RASEF: variants seen among roughly 807,000 people sequenced by gnomAD.
RASEF encodes ras and EF-hand domain-containing protein.
In RASEF, 68 loss-of-function variants were observed where a neutral mutation model predicts 90.1. The observed-to-expected ratio is 0.75, with a 90% CI of 0.62 to 0.92. The LOEUF (loss-of-function observed/expected upper bound fraction) is 0.92. RASEF is among the 40% of genes least tolerant of loss of function. The probability of loss-of-function intolerance (pLI) is 0.00; values close to 1 mark genes in which losing one functional copy is unlikely to be tolerated. For synonymous variants in RASEF, 331 were observed against 345.2 expected (o/e 0.96, Z 0.46); for missense variants, 949 against 937.2 (o/e 1.01, Z -0.16).
chr9:83,219,076 A>G, the RASEF span, among the ~76,000 whole-genome samples: 1 of 152,248 alleles, frequency 6.6e-6, no homozygotes, highest in Non-Finnish European at 1.5e-5. Context: ...AAAACAAAAA[A>G]GAAACACTTA....
At chr9:83,020,674 AAAG>A (rs1331038223) in intron 3 of RASEF, among the ~76,000 whole-genome samples, 2 of 152,234 alleles carry the variant, frequency 1.3e-5, no homozygotes, top group African/African-American at 4.8e-5. Context: ...CAAGGAAACT[AAAG>A]AAGATCCTGT....
chr9:83,177,272 T>C, the RASEF span, among the ~76,000 whole-genome samples: 1 of 152,304 alleles, frequency 6.6e-6, no homozygotes, highest in Admixed American at 6.5e-5. Flanking sequence ...CTGTGGTTTT[T>C]CGCAATTAAA....
chr9:83,031,961 G>A (rs1829655412), intron 1 of RASEF, among the ~76,000 whole-genome samples: 1 of 151,992 alleles, frequency 6.6e-6, no homozygotes, highest in South Asian at 2.1e-4. Flanking sequence ...AACACTCTTG[G>A]CAATTCTCAC....
chr9:83,076,540 AG>A, the RASEF span, among the ~76,000 whole-genome samples: 5 of 150,756 alleles, frequency 3.3e-5, no homozygotes, highest in African/African-American at 7.4e-5. Flanking sequence ...TTTAAAGATA[AG>A]GTAGATTTTA....
chr9:83,041,754 T>A (rs982963931), intron 1 of RASEF, among the ~76,000 whole-genome samples: 2 of 152,208 alleles, frequency 1.3e-5, no homozygotes, highest in Non-Finnish European at 2.9e-5. Context: ...GAAGGGTGAT[T>A]TTCTGAAGTG....
the RASEF span, among the ~76,000 whole-genome samples, chr9:83,097,486 A>G: frequency 1.3e-5 from 2 of 152,172 alleles, no homozygotes; most frequent in Non-Finnish European, 1.5e-5. Context: ...ATGGGAGAAA[A>G]TTTTTGCAAT....
At chr9:83,111,680 A>C in the RASEF span, among the ~76,000 whole-genome samples, 13 of 151,148 alleles carry the variant, frequency 8.6e-5, no homozygotes, top group African/African-American at 2.7e-4. Context: ...TACAATTGTC[A>C]TTTTTTTTTG....
rs970540645 is a variant in RASEF, at chr9:83,025,629, G to C, written c.578+146C>G. 3 of 638,612 alleles carry C rather than the reference G, an allele frequency of 4.7e-6. No homozygotes were observed. In the African/African-American group the frequency reaches 5.6e-5, roughly 12 times the overall value. 39.6% of individuals were successfully genotyped at this position (638,612 alleles called of 1,614,324 possible). ...TAGCTGACCTACTTCTCCATTGCTG[G>C]CTTAATTTTGAAAGCTCTAGACTCC... On this transcript the variant is annotated intron_variant, in intron 2 of 16. Transcript: ENST00000376447.
the RASEF span, among the ~76,000 whole-genome samples, chr9:83,095,615 G>A: frequency 1.3e-5 from 2 of 151,840 alleles, no homozygotes; most frequent in Non-Finnish European, 2.9e-5. Flanking sequence ...TTATAGAGCA[G>A]TTCATACCAG....
At chr9:83,213,335 G>A in the RASEF span, among the ~76,000 whole-genome samples, 1 of 151,422 alleles carries the variant, frequency 6.6e-6, no homozygotes, top group South Asian at 2.1e-4. Flanking sequence ...AAGAGGCAGA[G>A]GTTGCAGTGA....
the RASEF span, among the ~76,000 whole-genome samples, chr9:83,083,961 A>G: frequency 2.5e-4 from 38 of 152,294 alleles, no homozygotes; most frequent in African/African-American, 8.2e-4. Context: ...ATTTTTACTA[A>G]CTAGAATTCA....
At chr9:82,991,678 T>C (rs1828817959) in intron 15 of RASEF, among the ~76,000 whole-genome samples, 1 of 152,158 alleles carries the variant, frequency 6.6e-6, no homozygotes, top group African/African-American at 2.4e-5. Context: ...AGTGCTGGTG[T>C]TGACTTCTAC....
At chr9:83,102,222 G>C in the RASEF span, among the ~76,000 whole-genome samples, 1 of 152,084 alleles carries the variant, frequency 6.6e-6, no homozygotes, top group African/African-American at 2.4e-5. Context: ...GATTATAGGC[G>C]CCCGCCACCA....
intron 16 of RASEF, among the ~76,000 whole-genome samples, chr9:82,983,674 T>C (rs977880536): frequency 6.6e-6 from 1 of 152,190 alleles, no homozygotes; most frequent in Admixed American, 6.5e-5. Context: ...TCCACCTGCT[T>C]TGACCAATAG....
chr9:83,112,482 C>T, the RASEF span, among the ~76,000 whole-genome samples: 1 of 152,026 alleles, frequency 6.6e-6, no homozygotes. Flanking sequence ...GTTGGGAGTT[C>T]GAGACCAGCC....
chr9:83,081,810 ACC>A, the RASEF span, among the ~76,000 whole-genome samples: 1 of 152,160 alleles, frequency 6.6e-6, no homozygotes, highest in African/African-American at 2.4e-5. Context: ...CAACATGATC[ACC>A]TCTCCATAAA....
At chr9:83,184,680 C>T in the RASEF span, among the ~76,000 whole-genome samples, 547 of 68,932 alleles carry the variant, frequency 7.9e-3, 3 homozygotes, top group Non-Finnish European at 0.013. Flanking sequence ...TGTCCCACCC[C>T]GATCTACACC....
chr9:83,105,626 G>T, the RASEF span, among the ~76,000 whole-genome samples: 1 of 152,166 alleles, frequency 6.6e-6, no homozygotes, highest in African/African-American at 2.4e-5. Context: ...CAAAATTGTT[G>T]CATTTATAAA....
At chr9:83,158,200 G>GATT in the RASEF span, among the ~76,000 whole-genome samples, 3 of 152,038 alleles carry the variant, frequency 2.0e-5, no homozygotes, top group Non-Finnish European at 2.9e-5. Flanking sequence ...TTTCAATAAG[G>GATT]ATTATTTTCT....
Sources: gnomAD v4.1 joint callset for allele counts (sites outside exome capture counted in the v4.1 genomes callset) on GRCh38, gnomAD v4.1.1 for gene constraint, MANE v1.5 for transcripts, NCBI Gene and HGNC (gene_info 2026-07-23, HGNC 2026-07-21) for gene names.